The following SEMA4D variants were observed in gnomAD, a reference collection of about 807,000 sequenced individuals.
The protein encoded by SEMA4D is semaphorin 4D, also known as semaphorin-4D.
In SEMA4D, 22 loss-of-function variants were observed where a neutral mutation model predicts 74.8. That is an observed-to-expected ratio of 0.29 (90% CI 0.21 to 0.42). The LOEUF (loss-of-function observed/expected upper bound fraction) is 0.42, where lower values mean the gene tolerates loss of function less well. Ranked by LOEUF, SEMA4D falls within the 10% of genes least tolerant of loss-of-function variation. The pLI, the probability that SEMA4D is intolerant of heterozygous loss-of-function variation, is 1.00. For synonymous variants in SEMA4D, 445 were observed against 463.7 expected, an observed-to-expected ratio of 0.96 and a Z score of 0.52; for missense variants, 937 against 1,118.4, an observed-to-expected ratio of 0.84 and a Z score of 2.31.
At chr9:89,371,534 G>C (rs1564499025) in intron 16 of SEMA4D, among the ~76,000 whole-genome samples, 3 of 35,224 alleles carry the variant, frequency 8.5e-5, no homozygotes, top group African/African-American at 9.2e-5. Flanking sequence ...TGGTGTGTGT[G>C]TGGGGGTGTG....
At chr9:89,382,331 C>A (rs907482785) in intron 13 of SEMA4D, among the ~76,000 whole-genome samples, 2 of 152,248 alleles carry the variant, frequency 1.3e-5, no homozygotes, top group Non-Finnish European at 2.9e-5. Context: ...GTTAACAATA[C>A]AAGATTCCCA....
Position 89,378,669 on chromosome 9 carries a change from G to A in SEMA4D, c.*35C>T, listed in dbSNP as rs368419441. The A allele has an allele frequency of 4.4e-4, 678 of 1,540,580 alleles. 2 individuals are homozygous for A. Among genetic ancestry groups the A allele is most frequent in the Middle Eastern group, 8.5e-4 (5 of 5,878 alleles). Reference sequence around the variant, plus strand: ...AAAACTCTCCACGCCTGGACACGTCGCAGCCGAGGCACCAGCGGGGATGCA... The same window carrying A: ...AAAACTCTCCACGCCTGGACACGTCACAGCCGAGGCACCAGCGGGGATGCA... On this transcript the variant is annotated 3_prime_UTR_variant, in exon 16 of 16. Transcript: ENST00000422704.
chr9:89,431,056 G>A lies in SEMA4D; in HGVS notation c.-244+24832C>T, dbSNP rs375868869. 5.3e-5 allele frequency among the ~76,000 whole-genome samples: 8 copies of A among 152,278 alleles called. No homozygotes were observed. The South Asian group carries it at 8.3e-4, about 16-fold the overall frequency. On this transcript the variant is annotated intron_variant, in intron 2 of 15. Transcript: ENST00000422704. ...CAATAATATTATAGCATGCTATGCC[G>A]GCAGTACAATCCACACAAGTCGATG...
chr9:89,384,028 C>T (rs1454806053), intron 13 of SEMA4D, among the ~76,000 whole-genome samples: 1 of 152,224 alleles, frequency 6.6e-6, no homozygotes, highest in Admixed American at 6.5e-5. Context: ...GTCTAAGTGC[C>T]TTCCTTGCCC....
intron 13 of SEMA4D, among the ~76,000 whole-genome samples, chr9:89,383,756 T>C (rs573880761): frequency 2.2e-4 from 33 of 152,178 alleles, no homozygotes; most frequent in Non-Finnish European, 3.8e-4. Flanking sequence ...AAATTTAAAA[T>C]TATTTCAAGA....
In SEMA4D at chr9:89,381,317, G is replaced by A. The variant is rs373391319; in HGVS notation, c.1476C>T (p.Asn492=). ...CCAGCGGGGCCTGGACCACGCCCGA[G>A]TTAGAGCCAGCATAGACAAACCTGT... ...KGNRFVYAGS[N]SGVVQAPLAF... is the part of the protein sequence containing the mutation. The change falls in exon 14 of 16, where the codon AAC becomes AAT. Residue 492 remains asparagine, a synonymous_variant. Coordinates refer to ENST00000422704, the MANE Select transcript of SEMA4D (RefSeq NM_001371194.2). The surrounding 1 kb of genome is among the most constrained non-coding windows in gnomAD (Gnocchi z 4.6). 1.3e-6 allele frequency: 2 copies of A among 1,518,836 alleles called. No homozygotes were observed. Among genetic ancestry groups the A allele is most frequent in the Non-Finnish European group, 8.9e-7 (1 of 1,129,390 alleles). The allele number at this position is 1,518,836 out of a possible 1,614,324, so 94.1% of individuals were successfully genotyped here.
chr9:89,433,592 C>T (rs1384448318), intron 2 of SEMA4D, among the ~76,000 whole-genome samples: 7 of 152,196 alleles, frequency 4.6e-5, no homozygotes, highest in South Asian at 2.1e-4. Flanking sequence ...CTTGGCATTT[C>T]GCTTAACCCC....
intron 1 of SEMA4D, among the ~76,000 whole-genome samples, chr9:89,462,983 G>GAGGGGAGGGGAGC (rs1857699374): frequency 4.1e-5 from 1 of 24,294 alleles, no homozygotes. Context: ...GGGGAGCGAG[G>GAGGGGAGGGGAGC]GAGAAAGAGA....
intron 2 of SEMA4D, among the ~76,000 whole-genome samples, chr9:89,417,032 T>C (rs1174345750): frequency 1.3e-5 from 2 of 152,214 alleles, no homozygotes; most frequent in East Asian, 1.9e-4. Flanking sequence ...GAGCCAGTCC[T>C]CCTGGGCTCT....
intron 2 of SEMA4D, among the ~76,000 whole-genome samples, chr9:89,445,755 A>G (rs1404099962): frequency 4.6e-5 from 7 of 152,032 alleles, no homozygotes. Flanking sequence ...TTTTTGTTCT[A>G]TTAAGGCCTT....
chr9:89,370,813 T>TCTG (rs199953323), intron 16 of SEMA4D, among the ~76,000 whole-genome samples: 1 of 132,864 alleles, frequency 7.5e-6, no homozygotes, highest in East Asian at 2.4e-4. Flanking sequence ...GGCATGTGTG[T>TCTG]GGGTGTGGTG....
chr9:89,423,186 C>CT (rs11297429), intron 2 of SEMA4D, among the ~76,000 whole-genome samples: 65 of 144,420 alleles, frequency 4.5e-4, no homozygotes, highest in South Asian at 1.1e-3. Context: ...CTAGCTCAAA[C>CT]TTTTTTTTTT....
At chr9:89,394,411 CA>C (rs1840471787) in intron 6 of SEMA4D, among the ~76,000 whole-genome samples, 1 of 152,188 alleles carries the variant, frequency 6.6e-6, no homozygotes, top group Non-Finnish European at 1.5e-5. Context: ...GAAGTGTGGA[CA>C]AACGAGTGAG....
Position 89,421,880 on chromosome 9 carries a change from T to TG in SEMA4D, c.-243-16182dup, listed in dbSNP as rs911811311. Among the ~76,000 whole-genome samples the TG allele has an allele frequency of 3.9e-5, 6 of 152,354 alleles. No individual in the cohort carries two copies. The East Asian group carries it at 7.7e-4, about 20-fold the overall frequency. On this transcript the variant is annotated intron_variant, in intron 2 of 15. Coordinates refer to ENST00000422704, the MANE Select transcript of SEMA4D (RefSeq NM_001371194.2). The stretch of plus-strand genomic sequence containing the variant: ...GATCACAATTTAATCAAGAACCTGC[T>TG]GGCAGCAATGCCTATAGAGAGAATT...
intron 1 of SEMA4D, among the ~76,000 whole-genome samples, chr9:89,483,034 C>T (rs192613760): frequency 6.6e-6 from 1 of 152,352 alleles, no homozygotes; most frequent in Admixed American, 6.5e-5. Context: ...CCTGCAGCGA[C>T]TGGTGTCTAT....
At chr9:89,385,865 T>TTGGGGGGGGGGGC in intron 13 of SEMA4D, 7 of 213,328 alleles carry the variant, frequency 3.3e-5, no homozygotes, top group Non-Finnish European at 5.6e-5. Flanking sequence ...CCAGCGTGGA[T>TTGGGGGGGGGGGC]GCCCGCCCAC....
In SEMA4D at chr9:89,378,615, G is replaced by A. The variant is rs867598134; in HGVS notation, c.*89C>T. The stretch of plus-strand genomic sequence containing the variant: ...CGGGCTAACCTACGCAGCACTGCAC[G>A]AGACTCGGATACTGAACAGGAGAAA... On this transcript the variant is annotated 3_prime_UTR_variant, in exon 16 of 16. Transcript: ENST00000422704. 2.1e-5 allele frequency: 21 copies of A among 991,502 alleles called. No individual in the cohort carries two copies. The highest frequency in any genetic ancestry group is 3.0e-5 in the South Asian group (2 of 66,582). The allele number at this position is 991,502 out of a possible 1,614,324, so 61.4% of individuals were successfully genotyped here.
In SEMA4D at chr9:89,381,221, C is replaced by A; in HGVS notation, c.1572G>T (p.Pro524=). 1.2e-6 allele frequency: 2 copies of A among 1,607,844 alleles called. No individual in the cohort carries two copies. Among genetic ancestry groups the A allele is most frequent in the Non-Finnish European group, 1.7e-6 (2 of 1,175,116 alleles). Reference sequence around the variant, plus strand: ...GCAGAGCCACGCAGGTCGCTGTGGGCGGGCTCCAGGCGCAGTAGGGGTCCC... The same window carrying A: ...GCAGAGCCACGCAGGTCGCTGTGGGAGGGCTCCAGGCGCAGTAGGGGTCCC... ...LARDPYCAWS[P]PTATCVALHQ... Residue 524 remains proline, a synonymous_variant, in exon 14 of 16, where the codon CCG becomes CCT. Transcript: ENST00000422704. This position sits in a 1 kb window ranked among gnomAD's most constrained non-coding sequence, Gnocchi z 4.6.
intron 1 of SEMA4D, among the ~76,000 whole-genome samples, chr9:89,460,153 C>G (rs1856877694): frequency 6.6e-6 from 1 of 152,218 alleles, no homozygotes; most frequent in South Asian, 2.1e-4. Flanking sequence ...ACAAAATGCT[C>G]ATAACCAAAC....
Sources: gnomAD v4.1 joint callset for allele counts (sites outside exome capture counted in the v4.1 genomes callset) on GRCh38, gnomAD v4.1.1 for gene constraint, Gnocchi (gnomAD v3.1) non-coding constraint, MANE v1.5 for transcripts, NCBI Gene and HGNC (gene_info 2026-07-23, HGNC 2026-07-21) for gene names.